USP15: variants seen among roughly 807,000 people sequenced by gnomAD.
USP15 encodes ubiquitin carboxyl-terminal hydrolase 15.
USP15 carries 18 observed loss-of-function variants against 127.1 expected under a neutral mutation model. That is an observed-to-expected ratio of 0.14 (90% confidence interval 0.10 to 0.21). The LOEUF is 0.21. Ranked by LOEUF, USP15 falls within the 10% of genes least tolerant of loss-of-function variation. The pLI is 1.00. For synonymous variants in USP15, 364 were observed against 393.7 expected, an observed-to-expected ratio of 0.92 and a Z score of 0.89; for missense variants, 805 against 1,159.9, an observed-to-expected ratio of 0.69 and a Z score of 4.44.
At chr12:62,395,315 C>T (rs1410239547) in intron 19 of USP15, among the ~76,000 whole-genome samples, 1 of 152,070 alleles carries the variant, frequency 6.6e-6, no homozygotes, top group African/African-American at 2.4e-5. Context: ...AATGTGTTAG[C>T]ATGAAAACGT....
chr12:62,298,722 G>A (rs1444024623), intron 2 of USP15, among the ~76,000 whole-genome samples: 2 of 151,374 alleles, frequency 1.3e-5, no homozygotes, highest in East Asian at 3.9e-4. Context: ...CCCAGTACTT[G>A]GGAGGCTGAG....
In USP15 at chr12:62,319,654, CT is replaced by C. The variant is rs376830530; in HGVS notation, c.476-1809del. 2.3e-3 allele frequency among the ~76,000 whole-genome samples: 346 copies of C among 152,258 alleles called. 1 individual carries two copies. Among genetic ancestry groups the C allele is most frequent in the African/African-American group, 8.1e-3 (338 of 41,540 alleles). On this transcript the variant is annotated intron_variant, in intron 4 of 21. Transcript: ENST00000280377. The stretch of plus-strand genomic sequence containing the variant: ...CCTCAAGGCTTTTGCGTTACTACCC[CT>C]ATGCCTGTAATGTTCCCCCATATGT...
chr12:62,332,498 A>T (rs1166502201), intron 6 of USP15, among the ~76,000 whole-genome samples: 1 of 152,140 alleles, frequency 6.6e-6, no homozygotes, highest in Non-Finnish European at 1.5e-5. Context: ...TTTCTAAAAA[A>T]TGATTTTACA....
At chr12:62,377,097 A>G (rs750103997) in intron 8 of USP15, among the ~76,000 whole-genome samples, 4 of 152,156 alleles carry the variant, frequency 2.6e-5, no homozygotes, top group African/African-American at 4.8e-5. Context: ...TTTAGGGGGT[A>G]CATGAGGTAT....
At chr12:62,302,738 G>T in intron 2 of USP15, 52 bp from the exon 3 acceptor site, 3 of 1,551,474 alleles carry the variant, frequency 1.9e-6, no homozygotes, top group South Asian at 2.4e-5. Context: ...TTTGTAATGT[G>T]TCCAAACAAA....
At chr12:62,394,079 A>T (rs2067407421) in intron 19 of USP15, among the ~76,000 whole-genome samples, 1 of 152,252 alleles carries the variant, frequency 6.6e-6, no homozygotes, top group Non-Finnish European at 1.5e-5. Flanking sequence ...CTGTAAAAAG[A>T]TACAAAGAAG....
chr12:62,314,705 T>A, intron 3 of USP15, 85 bp from the exon 4 acceptor site: 1 of 1,273,574 alleles, frequency 7.9e-7, no homozygotes, highest in South Asian at 2.9e-5. Flanking sequence ...ATCTGCAGTT[T>A]TCTAAAGTCT....
At chr12:62,339,242 T>A (rs756978169) in intron 6 of USP15, among the ~76,000 whole-genome samples, 8 of 152,202 alleles carry the variant, frequency 5.3e-5, no homozygotes, top group African/African-American at 4.8e-5. Flanking sequence ...GTTGATTTTG[T>A]ATCCTGAGAT....
At position 62,406,291 on chromosome 12, in the gene USP15, T is replaced by G. The variant is rs2067867044; in HGVS notation, c.*1916T>G. On this transcript the variant is annotated 3_prime_UTR_variant, in exon 22 of 22. Transcript: ENST00000280377. ...CGTTTTAAAGTTGATTTTTGTCCAC[T>G]TTAATATTTATTCATTAAACATATG... The G allele has an allele frequency of 6.6e-6, 1 of 152,198 alleles. No individual in the cohort carries two copies. 9.4% of individuals were successfully genotyped at this position (152,198 alleles called of 1,614,324 possible).
intron 5 of USP15, among the ~76,000 whole-genome samples, chr12:62,322,770 A>G (rs2065020309): frequency 6.6e-6 from 1 of 152,162 alleles, no homozygotes; most frequent in Non-Finnish European, 1.5e-5. Flanking sequence ...CCAGCATGCA[A>G]GTTATGGTTT....
chr12:62,335,790 C>T (rs974492511), intron 6 of USP15: 1 of 985,276 alleles, frequency 1.0e-6, no homozygotes, highest in African/African-American at 1.7e-5. Context: ...TAACAAAGTT[C>T]TTATTTGTCT....
rs369203333 is a variant in USP15 at position 62,390,891 on chromosome 12, T to G, written c.1872T>G (p.Thr624=). ...GATATGTCAAAATATCTACTGAAACTGAAGAAACTGAAGGATCCCTACACT... is the reference window on the plus strand; with the variant it reads ...GATATGTCAAAATATCTACTGAAACGGAAGAAACTGAAGGATCCCTACACT... The part of the protein sequence containing the change: ...MCRYVKISTE[T]EETEGSLHCC... The change falls in exon 15 of 22, where the codon ACT becomes ACG. Residue 624 remains threonine, a synonymous_variant. Transcript: ENST00000280377. 6.2e-6 allele frequency: 10 copies of G among 1,611,614 alleles called. No individual in the cohort carries two copies. Among genetic ancestry groups the G allele is most frequent in the African/African-American group, 2.7e-5 (2 of 74,842 alleles).
intron 1 of USP15, among the ~76,000 whole-genome samples, chr12:62,265,064 T>C (rs993465750): frequency 1.3e-5 from 2 of 152,198 alleles, no homozygotes; most frequent in Non-Finnish European, 2.9e-5. Flanking sequence ...TCGTAAGTTT[T>C]TAAATGACTT....
chr12:62,388,173 C>T (rs896541172), intron 11 of USP15, among the ~76,000 whole-genome samples: 3 of 138,796 alleles, frequency 2.2e-5, no homozygotes, highest in Non-Finnish European at 4.5e-5. Context: ...CTCTGTCACC[C>T]AAGTTGGAGT....
rs1025456297 is a variant in USP15, at chr12:62,413,831, T to G, written c.*9456T>G. ...CCTTTGGATATACAACTTGGCTGTT[T>G]GGCTCAAGAGGCCTAGCTTTCAGCT... On this transcript the variant is annotated 3_prime_UTR_variant, in exon 22 of 22. Transcript: ENST00000280377. The G allele has an allele frequency of 6.6e-6, 1 of 152,254 alleles. No homozygotes were observed. The highest frequency in any genetic ancestry group is 1.5e-5 in the Non-Finnish European group (1 of 68,042). 9.4% of individuals were successfully genotyped at this position (152,254 alleles called of 1,614,324 possible). A position where few individuals can be genotyped will look rare whatever the true frequency, so the allele number is the denominator to read the frequency against.
rs7962027 is a variant in USP15, at chr12:62,283,002, G to A, written c.90-11177G>A. The stretch of plus-strand genomic sequence containing the variant: ...CCATATTCTATTTTTAATGGATATG[G>A]CATTAGCTTTTTAAGAAAACTAACG... On this transcript the variant is annotated intron_variant, in intron 1 of 21. Coordinates refer to ENST00000280377, the MANE Select transcript of USP15 (RefSeq NM_001252078.2). Among the ~76,000 whole-genome samples, 1,030 of 152,174 alleles carry A rather than the reference G, an allele frequency of 6.8e-3. 14 individuals carry two copies. Among genetic ancestry groups the A allele is most frequent in the Middle Eastern group, 0.027 (8 of 294 alleles).
chr12:62,269,645 T>C (rs1246576762), intron 1 of USP15, among the ~76,000 whole-genome samples: 3 of 152,038 alleles, frequency 2.0e-5, no homozygotes, highest in African/African-American at 7.2e-5. Context: ...GGTCTTGAAC[T>C]CCTGGCCTCA....
rs2068024834 is a variant in USP15 at position 62,410,913 on chromosome 12, T to C, written c.*6538T>C. 6.6e-6 allele frequency: 1 copy of C among 151,968 alleles called. No homozygotes were observed. 9.4% of individuals were successfully genotyped at this position (151,968 alleles called of 1,614,324 possible). ...AAGACTTGGAACAGAAGTCTTAGTA[T>C]GATGGTAAACTTGAAAATTAAAATT... is the stretch of plus-strand genomic sequence containing the variant. On this transcript the variant is annotated 3_prime_UTR_variant, in exon 22 of 22. Transcript: ENST00000280377.
In USP15 at chr12:62,414,724, ATTCAGGGTG is replaced by A. The variant is rs998020712; in HGVS notation, c.*10350_*10358del. ...CCCATTTTTAAAAATAGAAGTGTGTATTCAGGGTGCACTCAATAGGATTACATCTGGCTG... is the reference window on the plus strand; with the variant it reads ...CCCATTTTTAAAAATAGAAGTGTGTACACTCAATAGGATTACATCTGGCTG... On this transcript the variant is annotated 3_prime_UTR_variant, in exon 22 of 22. Transcript: ENST00000280377. 2.6e-5 allele frequency: 4 copies of A among 152,054 alleles called. No homozygotes were observed. Among genetic ancestry groups the A allele is most frequent in the African/African-American group, 9.7e-5 (4 of 41,398 alleles). The allele number at this position is 152,054 out of a possible 1,614,324, so 9.4% of individuals were successfully genotyped here. A position where few individuals can be genotyped will look rare whatever the true frequency, so the allele number is the denominator to read the frequency against.
Sources: allele counts gnomAD v4.1 joint callset (sites outside exome capture counted in the v4.1 genomes callset), GRCh38; gene constraint gnomAD v4.1.1; transcripts MANE v1.5; gene names NCBI Gene and HGNC (gene_info 2026-07-23, HGNC 2026-07-21).